The following PITPNC1 variants were observed in gnomAD, a reference collection of about 807,000 sequenced individuals.
The protein encoded by PITPNC1 is phosphatidylinositol transfer protein cytoplasmic 1.
In PITPNC1, 18 loss-of-function variants were observed where a neutral mutation model predicts 44.7. That is an observed-to-expected ratio of 0.40 (90% CI 0.28 to 0.60). The LOEUF is 0.60. Ranked by LOEUF, PITPNC1 falls within the 20% of genes least tolerant of loss-of-function variation. PITPNC1 has a pLI of 0.39. For missense variants in PITPNC1, 290 were observed against 418.4 expected, an observed-to-expected ratio of 0.69 and a Z score of 2.68; for synonymous variants, 141 against 149.6, an observed-to-expected ratio of 0.94 and a Z score of 0.42.
At chr17:67,643,542 C>A (rs1410557002) in intron 6 of PITPNC1, among the ~76,000 whole-genome samples, 3 of 152,072 alleles carry the variant, frequency 2.0e-5, no homozygotes, top group Non-Finnish European at 4.4e-5. Flanking sequence ...AAAAGATAAC[C>A]CCTAGAACCT....
chr17:67,642,674 C>CG (rs2042104513), intron 6 of PITPNC1, among the ~76,000 whole-genome samples: 3 of 152,056 alleles, frequency 2.0e-5, no homozygotes, highest in African/African-American at 7.2e-5. Flanking sequence ...AAAGATAAGA[C>CG]GCCAAGTCTC....
intron 5 of PITPNC1, among the ~76,000 whole-genome samples, chr17:67,627,471 G>A (rs753896644): frequency 4.9e-4 from 74 of 152,216 alleles, no homozygotes; most frequent in Admixed American, 1.4e-3. Flanking sequence ...TTGGACTAAA[G>A]GATGCCTTGG....
intron 6 of PITPNC1, among the ~76,000 whole-genome samples, chr17:67,660,488 C>A (rs2144384472): frequency 6.6e-6 from 1 of 151,690 alleles, no homozygotes; most frequent in African/African-American, 2.4e-5. Flanking sequence ...TAGTCTTTTT[C>A]ATGTATCATA....
intron 8 of PITPNC1, among the ~76,000 whole-genome samples, chr17:67,683,802 A>AC (rs751423804): frequency 8.6e-5 from 13 of 151,160 alleles, no homozygotes; most frequent in Non-Finnish European, 1.8e-4. Flanking sequence ...ACATGGTGAC[A>AC]CCCCATCTCT....
intron 1 of PITPNC1, among the ~76,000 whole-genome samples, chr17:67,521,819 A>C (rs902196652): frequency 2.0e-5 from 3 of 152,168 alleles, no homozygotes; most frequent in African/African-American, 4.8e-5. Context: ...TCGACTGTGA[A>C]TGTGATGTTC....
chr17:67,390,808 CACCA>C (rs1156360482), intron 1 of PITPNC1, among the ~76,000 whole-genome samples: 2 of 152,292 alleles, frequency 1.3e-5, no homozygotes, highest in African/African-American at 4.8e-5. Flanking sequence ...AGTCTGGGGT[CACCA>C]ACCACTTCCT....
chr17:67,471,430 A>G, intron 1 of PITPNC1: 1 of 348,382 alleles, frequency 2.9e-6, no homozygotes, highest in Non-Finnish European at 5.4e-6. Flanking sequence ...ATTCACATAC[A>G]AGTCCTTGTG....
At chr17:67,578,465 A>G (rs1157454315) in intron 5 of PITPNC1, among the ~76,000 whole-genome samples, 1 of 151,996 alleles carries the variant, frequency 6.6e-6, no homozygotes, top group Non-Finnish European at 1.5e-5. Context: ...TCTCATTTTT[A>G]TGTACTTTCC....
intron 1 of PITPNC1, among the ~76,000 whole-genome samples, chr17:67,493,857 A>G (rs1163560497): frequency 6.6e-6 from 1 of 152,248 alleles, no homozygotes; most frequent in Non-Finnish European, 1.5e-5. Flanking sequence ...TCCACCAGAA[A>G]ATAACCACAA....
At chr17:67,501,142 A>G (rs1024877137) in intron 1 of PITPNC1, among the ~76,000 whole-genome samples, 3 of 152,162 alleles carry the variant, frequency 2.0e-5, no homozygotes, top group African/African-American at 7.2e-5. Flanking sequence ...ATGTCATATT[A>G]TTACTTTCTC....
At chr17:67,561,059 A>T (rs536215148) in intron 4 of PITPNC1, among the ~76,000 whole-genome samples, 1 of 152,308 alleles carries the variant, frequency 6.6e-6, no homozygotes, top group South Asian at 2.1e-4. Flanking sequence ...AGTTGTTGAG[A>T]TCTGCAGAAT....
intron 2 of PITPNC1, among the ~76,000 whole-genome samples, chr17:67,543,266 C>T (rs2040633151): frequency 6.6e-6 from 1 of 152,170 alleles, no homozygotes; most frequent in South Asian, 2.1e-4. Flanking sequence ...CGCAGCTGCC[C>T]TGAGTAGATC....
Position 67,425,193 on chromosome 17 carries a change from G to GCGCGCGCGCACACA in PITPNC1, c.48+46992_48+46993insGCGCGCGCACACAC, listed in dbSNP as rs1160522771. 1.2e-4 allele frequency among the ~76,000 whole-genome samples: 6 copies of GCGCGCGCGCACACA among 52,118 alleles called. No individual in the cohort carries two copies. The East Asian group carries it at 2.2e-3, about 19-fold the overall frequency. The allele number at this position is 52,118 out of a possible 152,430, so 34.2% of individuals were successfully genotyped here. ...AAATAAACAGCCATGTTGTGCGCGC[G>GCGCGCGCGCACACA]CACGCACACGCACACACACACACAC... On this transcript the variant is annotated intron_variant, in intron 1 of 8. Transcript: ENST00000581322.
chr17:67,441,780 A>G (rs971363906), intron 1 of PITPNC1, among the ~76,000 whole-genome samples: 2 of 152,118 alleles, frequency 1.3e-5, no homozygotes, highest in African/African-American at 2.4e-5. Context: ...TTGAATATTC[A>G]TCAGTGCGCC....
intron 5 of PITPNC1, among the ~76,000 whole-genome samples, chr17:67,581,344 G>A (rs755352988): frequency 2.7e-4 from 41 of 152,192 alleles, no homozygotes; most frequent in Non-Finnish European, 4.7e-4. Flanking sequence ...TATTCACTCT[G>A]TGCAGTCCTT....
intron 1 of PITPNC1, among the ~76,000 whole-genome samples, chr17:67,435,569 T>A (rs1379590104): frequency 6.6e-6 from 1 of 152,212 alleles, no homozygotes; most frequent in African/African-American, 2.4e-5. Context: ...TAATACAGTT[T>A]CAGGCCAGGT....
chr17:67,454,391 A>G (rs895993996), intron 1 of PITPNC1, among the ~76,000 whole-genome samples: 5 of 152,190 alleles, frequency 3.3e-5, no homozygotes, highest in African/African-American at 1.2e-4. Flanking sequence ...TTCCTGATCT[A>G]TAAAATGAAT....
rs577332315 is a variant in PITPNC1 at position 67,666,901 on chromosome 17, G to T, written c.463-2607G>T. Among the ~76,000 whole-genome samples the T allele has an allele frequency of 2.0e-5, 3 of 152,344 alleles. No homozygotes were observed. In the South Asian group the frequency reaches 6.2e-4, roughly 32 times the overall value. Reference sequence around the variant, plus strand: ...TTGGCGGAGCCACGGCCAGATCTGAGAGAATAAACCTGTCTTTATTTGTAA... The same window carrying T: ...TTGGCGGAGCCACGGCCAGATCTGATAGAATAAACCTGTCTTTATTTGTAA... On this transcript the variant is annotated intron_variant, in intron 6 of 8. Transcript: ENST00000581322.
chr17:67,419,367 A>G (rs911656499), intron 1 of PITPNC1, among the ~76,000 whole-genome samples: 2 of 152,148 alleles, frequency 1.3e-5, no homozygotes. Flanking sequence ...TGCATTTCCT[A>G]CTAAGACAGA....
Sources: gnomAD v4.1 joint callset for allele counts (sites outside exome capture counted in the v4.1 genomes callset) on GRCh38, gnomAD v4.1.1 for gene constraint, MANE v1.5 for transcripts, NCBI Gene and HGNC (gene_info 2026-07-23, HGNC 2026-07-21) for gene names.